Variants in ADAMTSL1 observed in about 807,000 individuals in gnomAD.
ADAMTSL1 encodes ADAMTS-like protein 1.
Under a neutral mutation model 201.8 loss-of-function variants are expected in ADAMTSL1, and 126 were observed. The ratio of observed to expected loss-of-function variants is 0.62; its 90% CI spans 0.54 to 0.72. ADAMTSL1 has a LOEUF of 0.72. Ranked by LOEUF, ADAMTSL1 falls within the 30% of genes least tolerant of loss-of-function variation. The probability of loss-of-function intolerance (pLI) is 0.00; values close to 1 mark genes in which losing one functional copy is unlikely to be tolerated. For synonymous variants in ADAMTSL1, 1,121 were observed against 903.4 expected (o/e 1.24, Z -4.32); for missense variants, 2,679 against 2,277.8 (o/e 1.18, Z -3.59).
intron 1 of ADAMTSL1, among the ~76,000 whole-genome samples, chr9:18,012,072 T>G (rs996595946): frequency 6.6e-6 from 1 of 151,964 alleles, no homozygotes; most frequent in Non-Finnish European, 1.5e-5. Flanking sequence ...AGAAACAGGT[T>G]TGCCCTGGCA....
chr9:18,700,015 T>C (rs1311777709), intron 13 of ADAMTSL1, among the ~76,000 whole-genome samples: 1 of 152,214 alleles, frequency 6.6e-6, no homozygotes, highest in Admixed American at 6.5e-5. Context: ...AGTTGAGAAA[T>C]ATTTTCATAA....
At chr9:18,656,650 A>AAAAAAAAAT (rs71506010) in intron 7 of ADAMTSL1, among the ~76,000 whole-genome samples, 13 of 148,376 alleles carry the variant, frequency 8.8e-5, no homozygotes, top group Non-Finnish European at 1.5e-4. Context: ...AAAAAAGAAA[A>AAAAAAAAAT]TGTTAAGACT....
intron 2 of ADAMTSL1, among the ~76,000 whole-genome samples, chr9:18,309,706 A>T (rs1452887588): frequency 6.6e-6 from 1 of 152,108 alleles, no homozygotes; most frequent in African/African-American, 2.4e-5. Flanking sequence ...ATAGAAAAGC[A>T]TTCCATGCTC....
chr9:18,727,502 A>T (rs114342429), intron 15 of ADAMTSL1, among the ~76,000 whole-genome samples: 2 of 152,240 alleles, frequency 1.3e-5, no homozygotes, highest in African/African-American at 2.4e-5. Context: ...ATTGATGGAT[A>T]GGAATCTGCC....
intron 1 of ADAMTSL1, among the ~76,000 whole-genome samples, chr9:18,159,196 T>C (rs748923092): frequency 6.6e-6 from 1 of 152,056 alleles, no homozygotes; most frequent in Non-Finnish European, 1.5e-5. Flanking sequence ...CTCAGTAAAC[T>C]ATGAATCAAA....
intron 3 of ADAMTSL1, among the ~76,000 whole-genome samples, chr9:18,536,611 T>C (rs1819791964): frequency 6.6e-6 from 1 of 152,212 alleles, no homozygotes; most frequent in African/African-American, 2.4e-5. Context: ...TCAAGAAGAC[T>C]ATTTTCATTC....
chr9:18,898,273 A>AAAAC (rs1460600739), intron 26 of ADAMTSL1, among the ~76,000 whole-genome samples: 1 of 152,236 alleles, frequency 6.6e-6, no homozygotes, highest in Non-Finnish European at 1.5e-5. Flanking sequence ...GAATCACAAT[A>AAAAC]AAACAGTAGA....
At chr9:18,275,687 T>C (rs192217282) in intron 2 of ADAMTSL1, among the ~76,000 whole-genome samples, 13 of 152,286 alleles carry the variant, frequency 8.5e-5, no homozygotes, top group African/African-American at 3.1e-4. Flanking sequence ...AATGTATCAG[T>C]AGTCTATTCC....
At chr9:18,847,095 C>A (rs2131351400) in intron 23 of ADAMTSL1, among the ~76,000 whole-genome samples, 1 of 152,334 alleles carries the variant, frequency 6.6e-6, no homozygotes, top group Non-Finnish European at 1.5e-5. Flanking sequence ...TTATTAAATG[C>A]TAGGTCCTGT....
intron 4 of ADAMTSL1, among the ~76,000 whole-genome samples, chr9:18,609,643 C>A (rs1327916614): frequency 1.3e-5 from 2 of 152,110 alleles, no homozygotes; most frequent in East Asian, 3.9e-4. Flanking sequence ...CCTAAGGCAC[C>A]CTTTATAGCT....
chr9:18,407,004 T>C (rs574276701), intron 2 of ADAMTSL1, among the ~76,000 whole-genome samples: 1 of 152,350 alleles, frequency 6.6e-6, no homozygotes, highest in South Asian at 2.1e-4. Context: ...CAACAAACAT[T>C]TATTGAGTTT....
At chr9:18,385,440 A>T (rs1259912058) in intron 2 of ADAMTSL1, among the ~76,000 whole-genome samples, 3 of 152,204 alleles carry the variant, frequency 2.0e-5, no homozygotes, top group Non-Finnish European at 4.4e-5. Flanking sequence ...GTTCTAAAAG[A>T]TTTCTCTTAC....
chr9:18,558,077 G>T lies in ADAMTSL1; in HGVS notation c.238-15953G>T, dbSNP rs966782949. 2.6e-5 allele frequency among the ~76,000 whole-genome samples: 4 copies of T among 152,102 alleles called. No homozygotes were observed. In the East Asian group the frequency reaches 7.8e-4, roughly 30 times the overall value. On this transcript the variant is annotated intron_variant, in intron 3 of 28. Transcript: ENST00000380548. ...CAGAACGTGCAGGTTTGTTACATTG[G>T]TATACACGTGCCATGGTGGTTTGCT...
intron 3 of ADAMTSL1, among the ~76,000 whole-genome samples, chr9:18,551,546 AT>A (rs34453171): frequency 0.28 from 40,550 of 143,682 alleles, 5,807 homozygotes; most frequent in East Asian, 0.6. Flanking sequence ...TTACCGCTGA[AT>A]TTTTTTTTTT....
intron 23 of ADAMTSL1, among the ~76,000 whole-genome samples, chr9:18,839,349 C>A: frequency 6.6e-6 from 1 of 152,090 alleles, no homozygotes; most frequent in Non-Finnish European, 1.5e-5. Flanking sequence ...CATGTCCCTA[C>A]AAAGGACATG....
intron 2 of ADAMTSL1, among the ~76,000 whole-genome samples, chr9:18,281,805 A>G (rs564035051): frequency 6.6e-6 from 1 of 152,206 alleles, no homozygotes; most frequent in African/African-American, 2.4e-5. Context: ...CCTGGCCTCA[A>G]GTGATCCTCC....
intron 2 of ADAMTSL1, among the ~76,000 whole-genome samples, chr9:18,521,700 C>T (rs1395992657): frequency 1.3e-5 from 2 of 151,870 alleles, no homozygotes. Context: ...CAAAATAATG[C>T]TTTTACATAA....
In ADAMTSL1 at chr9:18,756,076, A is replaced by AATATATATATATATATAT. The variant is rs55717414; in HGVS notation, c.2217+2598_2217+2615dup. 1.7e-3 allele frequency among the ~76,000 whole-genome samples: 138 copies of AATATATATATATATATAT among 80,670 alleles called. 2 individuals carry two copies. Among genetic ancestry groups the AATATATATATATATATAT allele is most frequent in the Non-Finnish European group, 2.4e-3 (90 of 38,070 alleles). The allele number at this position is 80,670 out of a possible 152,430, so 52.9% of individuals were successfully genotyped here. The stretch of plus-strand genomic sequence containing the variant: ...ATGGTGAAACCCTGTCTCTACTGAA[A>AATATATATATATATATAT]ATATATATATATATATATATATATA... On this transcript the variant is annotated intron_variant, in intron 16 of 28. Coordinates refer to ENST00000380548, the MANE Select transcript of ADAMTSL1 (RefSeq NM_001040272.6).
chr9:18,147,692 ATTC>A (rs987039172), intron 1 of ADAMTSL1, among the ~76,000 whole-genome samples: 9 of 152,094 alleles, frequency 5.9e-5, no homozygotes, highest in African/African-American at 1.9e-4. Context: ...TGGCTGACCT[ATTC>A]TTTTGTTCCA....
Sources: gnomAD v4.1 joint callset for allele counts (sites outside exome capture counted in the v4.1 genomes callset) on GRCh38, gnomAD v4.1.1 for gene constraint, MANE v1.5 for transcripts, NCBI Gene and HGNC (gene_info 2026-07-23, HGNC 2026-07-21) for gene names.